TMEM207: variants seen among roughly 807,000 people sequenced by gnomAD.
TMEM207 encodes the protein SRSR846.
A neutral mutation model predicts 17.4 loss-of-function variants in TMEM207; 15 were observed. That is an observed-to-expected ratio of 0.86 (90% confidence interval 0.58 to 1.33). The LOEUF (loss-of-function observed/expected upper bound fraction) is 1.33. TMEM207 is among the 40% of genes most tolerant of loss of function. TMEM207 has a pLI of 0.00. For synonymous variants in TMEM207, 70 were observed against 65.6 expected (o/e 1.07, Z -0.33); for missense variants, 205 against 173.8 (o/e 1.18, Z -1.01).
At chr3:190,434,785 G>A (rs951689501) in intron 4 of TMEM207, among the ~76,000 whole-genome samples, 6 of 152,208 alleles carry the variant, frequency 3.9e-5, no homozygotes, top group Non-Finnish European at 8.8e-5. Flanking sequence ...CGCTCTCTGG[G>A]TTGTAGCAGA....
rs76582741 is a variant in TMEM207 at position 190,446,929 on chromosome 3, G to C, written c.113+861C>G. ...AAACAGCATAAGACAGAGTGAAAAAGCAGTTCCAAAATTAACGTAAAGAAA... is the reference window on the plus strand; with the variant it reads ...AAACAGCATAAGACAGAGTGAAAAACCAGTTCCAAAATTAACGTAAAGAAA... On this transcript the variant is annotated intron_variant, in intron 2 of 4. Transcript: ENST00000354905. 8.3e-3 allele frequency among the ~76,000 whole-genome samples: 1,271 copies of C among 152,228 alleles called. 23 individuals are homozygous for C. Among genetic ancestry groups the C allele is most frequent in the African/African-American group, 0.029 (1,212 of 41,528 alleles).
At position 190,429,234 on chromosome 3, in the gene TMEM207, G is replaced by C. The variant is rs1719636759; in HGVS notation, c.*361C>G. On this transcript the variant is annotated 3_prime_UTR_variant, in exon 5 of 5. Coordinates refer to ENST00000354905, the MANE Select transcript of TMEM207 (RefSeq NM_207316.3). Reference sequence around the variant, plus strand: ...AATAATTTTTATGGACCCCATGCTAGGAAAGAGTTTAAAGCAGAAAATGGT... The same window carrying C: ...AATAATTTTTATGGACCCCATGCTACGAAAGAGTTTAAAGCAGAAAATGGT... 1 of 162,066 alleles carries C rather than the reference G, an allele frequency of 6.2e-6. No homozygotes were observed. The highest frequency in any genetic ancestry group is 1.9e-4 in the South Asian group (1 of 5,354). The allele number at this position is 162,066 out of a possible 1,614,324, so 10.0% of individuals were successfully genotyped here.
intron 2 of TMEM207, among the ~76,000 whole-genome samples, chr3:190,447,357 T>G (rs2108539896): frequency 6.6e-6 from 1 of 152,292 alleles, no homozygotes; most frequent in East Asian, 1.9e-4. Flanking sequence ...TCACAAGCAC[T>G]TTGAAATAGA....
intron 4 of TMEM207, among the ~76,000 whole-genome samples, chr3:190,430,519 T>TTATA (rs771315217): frequency 1.3e-4 from 19 of 149,564 alleles, no homozygotes; most frequent in South Asian, 2.1e-4. Flanking sequence ...AAAGATGGTT[T>TTATA]TATATATATA....
chr3:190,440,796 C>T (rs566208526), intron 3 of TMEM207, among the ~76,000 whole-genome samples: 45 of 152,260 alleles, frequency 3.0e-4, no homozygotes, highest in African/African-American at 1.1e-3. Context: ...GGGCCGGGCG[C>T]GGTGGCTCAA....
intron 4 of TMEM207, among the ~76,000 whole-genome samples, chr3:190,431,239 G>A (rs1050507024): frequency 3.9e-5 from 6 of 152,016 alleles, no homozygotes; most frequent in African/African-American, 7.2e-5. Context: ...TAGGCAATAA[G>A]GGTATAATAC....
At chr3:190,440,094 C>T in intron 4 of TMEM207, 150 bp downstream of exon 4, 2 of 871,454 alleles carry the variant, frequency 2.3e-6, no homozygotes, top group African/African-American at 1.7e-5. Context: ...AATTTTCTCC[C>T]TTAAACTCTC....
At chr3:190,449,679 C>T (rs989008744) in intron 1 of TMEM207, 56 bp downstream of exon 1, 17 of 1,509,252 alleles carry the variant, frequency 1.1e-5, no homozygotes, top group Non-Finnish European at 1.6e-5. Context: ...AAATCAAGTC[C>T]TCAGAGTACC....
intron 2 of TMEM207, among the ~76,000 whole-genome samples, chr3:190,443,966 C>G (rs1385085600): frequency 6.6e-6 from 1 of 152,088 alleles, no homozygotes; most frequent in Admixed American, 6.6e-5. Flanking sequence ...GAACGATTTC[C>G]TTTTGTTACT....
chr3:190,448,102 T>C (rs1215219347), intron 1 of TMEM207, among the ~76,000 whole-genome samples: 2 of 152,274 alleles, frequency 1.3e-5, no homozygotes, highest in Non-Finnish European at 2.9e-5. Context: ...TTTTGTTTTT[T>C]CTATATGCAG....
intron 2 of TMEM207, among the ~76,000 whole-genome samples, chr3:190,443,418 T>C (rs1053231164): frequency 6.6e-6 from 1 of 152,164 alleles, no homozygotes; most frequent in Admixed American, 6.6e-5. Flanking sequence ...TTTTCTGAGC[T>C]GGTGCACCCT....
chr3:190,444,805 A>G (rs1018323757), intron 2 of TMEM207, among the ~76,000 whole-genome samples: 3 of 152,196 alleles, frequency 2.0e-5, no homozygotes, highest in Non-Finnish European at 1.5e-5. Context: ...TAACATAAGA[A>G]CAATGTTTTC....
intron 2 of TMEM207, among the ~76,000 whole-genome samples, chr3:190,445,757 C>A (rs1206782364): frequency 1.3e-5 from 2 of 152,198 alleles, no homozygotes; most frequent in African/African-American, 4.8e-5. Context: ...AACTCCCCAC[C>A]TCAGGTGATC....
chr3:190,449,861 C>T lies in TMEM207; in HGVS notation c.-52G>A, dbSNP rs1018541451. ...GTGGTTTGGTGCCTGTGTTTATTTC[C>T]TTCTTTCTCAGAACTTACTAGCTTC... On this transcript the variant is annotated 5_prime_UTR_variant, in exon 1 of 5. Coordinates refer to ENST00000354905, the MANE Select transcript of TMEM207 (RefSeq NM_207316.3). 6.5e-7 allele frequency: 1 copy of T among 1,535,248 alleles called. No homozygotes were observed. Among genetic ancestry groups the T allele is most frequent in the African/African-American group, 1.4e-5 (1 of 73,178 alleles).
Position 190,438,988 on chromosome 3 carries a change from G to GA in TMEM207, c.304+1255dup, listed in dbSNP as rs1287525689. 5.3e-5 allele frequency among the ~76,000 whole-genome samples: 8 copies of GA among 151,814 alleles called. No individual in the cohort carries two copies. In the East Asian group the frequency reaches 9.7e-4, roughly 18 times the overall value. ...GCGGATCACGAGGTCAGGAGATCGA[G>GA]ACCACGGTGAAACCCCGTCTCTACT... is the stretch of plus-strand genomic sequence containing the variant. On this transcript the variant is annotated intron_variant, in intron 4 of 4. Transcript: ENST00000354905.
At chr3:190,447,037 A>G (rs1460358434) in intron 2 of TMEM207, among the ~76,000 whole-genome samples, 1 of 152,172 alleles carries the variant, frequency 6.6e-6, no homozygotes, top group Non-Finnish European at 1.5e-5. Context: ...ATCCACCAGA[A>G]GCAGGTGAAT....
intron 4 of TMEM207, among the ~76,000 whole-genome samples, chr3:190,439,082 C>G (rs1719868700): frequency 6.8e-6 from 1 of 147,750 alleles, no homozygotes; most frequent in South Asian, 2.1e-4. Context: ...GAGGCTGAGG[C>G]AGGAGAATGG....
At chr3:190,439,039 T>A (rs368215114) in intron 4 of TMEM207, among the ~76,000 whole-genome samples, 4 of 145,264 alleles carry the variant, frequency 2.8e-5, no homozygotes, top group Non-Finnish European at 4.7e-5. Flanking sequence ...TAGCCGGGCG[T>A]GGTGGCGGGC....
Position 190,449,770 on chromosome 3 carries a change from A to C in TMEM207, c.40T>G (p.Ser14Ala). The C allele has an allele frequency of 3.7e-6, 6 of 1,613,894 alleles. No homozygotes were observed. Among genetic ancestry groups the C allele is most frequent in the Non-Finnish European group, 5.1e-6 (6 of 1,179,810 alleles). The part of the protein sequence containing the change: ...SRLFSVTSAI[S>A]TIGILCLPLF... ...GGCAAACACAAGATCCCTATCGTTGAGATCGCTGAGGTGACACTGAAAAGT... is the reference window on the plus strand; with the variant it reads ...GGCAAACACAAGATCCCTATCGTTGCGATCGCTGAGGTGACACTGAAAAGT... Residue 14 changes from serine (S) to alanine (A), a missense_variant, in exon 1 of 5, where the codon TCA becomes GCA. Ser to Ala is a moderately conservative substitution (Grantham distance 99). Transcript: ENST00000354905.
Sources: allele counts gnomAD v4.1 joint callset (sites outside exome capture counted in the v4.1 genomes callset), GRCh38; gene constraint gnomAD v4.1.1; transcripts MANE v1.5; gene names NCBI Gene and HGNC (gene_info 2026-07-23, HGNC 2026-07-21).